The following PVT1 variants were observed in gnomAD, a reference collection of about 807,000 sequenced individuals.
The protein encoded by PVT1 is CXCR4/PVT1 fusion.
At chr8:127,988,049 C>T (rs1406510389) in intron 3 of PVT1, among the ~76,000 whole-genome samples, 3 of 152,164 alleles carry the variant, frequency 2.0e-5, no homozygotes, top group African/African-American at 4.8e-5. Context: ...CAGATCTGTC[C>T]GTGATACCAA....
intron 4 of PVT1, among the ~76,000 whole-genome samples, chr8:128,053,004 C>T (rs1228205773): frequency 6.6e-6 from 1 of 152,206 alleles, no homozygotes; most frequent in Non-Finnish European, 1.5e-5. Context: ...CTTCTAGTAA[C>T]CACCCCAGCA....
chr8:128,081,927 T>C (rs1311761239), intron 5 of PVT1, among the ~76,000 whole-genome samples: 2 of 152,176 alleles, frequency 1.3e-5, no homozygotes, highest in African/African-American at 4.8e-5. Context: ...CAAGACAAGC[T>C]GGAAGATTCT....
At chr8:127,975,639 T>C (rs937635096) in intron 3 of PVT1, among the ~76,000 whole-genome samples, 2 of 152,240 alleles carry the variant, frequency 1.3e-5, no homozygotes, top group African/African-American at 4.8e-5. Flanking sequence ...CTTCACGTCG[T>C]GGGGTTCTGC....
chr8:127,846,234 A>G (rs534510613), intron 2 of PVT1, among the ~76,000 whole-genome samples: 4 of 150,480 alleles, frequency 2.7e-5, no homozygotes, highest in African/African-American at 1.0e-4. Flanking sequence ...CAGGTGGGAG[A>G]GTTCTCCATT....
At chr8:127,887,927 T>C (rs1270383902) in intron 2 of PVT1, among the ~76,000 whole-genome samples, 1 of 127,368 alleles carries the variant, frequency 7.9e-6, no homozygotes, top group East Asian at 2.3e-4. Flanking sequence ...TCTCACTCTA[T>C]CTTGTTTTTT....
chr8:128,093,175 G>A lies in PVT1; in HGVS notation n.1115-3343G>A, dbSNP rs539853548. 1.6e-4 allele frequency among the ~76,000 whole-genome samples: 24 copies of A among 152,276 alleles called. No individual in the cohort carries two copies. The South Asian group carries it at 2.7e-3, about 17-fold the overall frequency. Reference sequence around the variant, plus strand: ...ACAATGCCTAAGCAGCTTGGATCACGGAAAGAGCTTGGGCTTCTCTCCCCA... The same window carrying A: ...ACAATGCCTAAGCAGCTTGGATCACAGAAAGAGCTTGGGCTTCTCTCCCCA... On this transcript the variant is annotated intron_variant and non_coding_transcript_variant, in intron 5 of 10. Transcript: ENST00000651587.
intron 2 of PVT1, among the ~76,000 whole-genome samples, chr8:127,823,890 G>A (rs533682295): frequency 2.0e-4 from 31 of 152,248 alleles, no homozygotes; most frequent in African/African-American, 5.1e-4. Flanking sequence ...CTTTCTAATC[G>A]CCCTTTAAGG....
chr8:128,023,378 A>G (rs1421020189), intron 4 of PVT1, among the ~76,000 whole-genome samples: 5 of 152,176 alleles, frequency 3.3e-5, no homozygotes, highest in Non-Finnish European at 5.9e-5. Flanking sequence ...CCCAGCCAAG[A>G]TCACCAAAGC....
intron 2 of PVT1, among the ~76,000 whole-genome samples, chr8:127,796,973 G>A (rs572740541): frequency 6.7e-6 from 1 of 149,610 alleles, no homozygotes; most frequent in East Asian, 2.0e-4. Flanking sequence ...CCGCCTCCCA[G>A]GTTCAAGCGA....
intron 4 of PVT1, among the ~76,000 whole-genome samples, chr8:128,007,146 A>G (rs1374741701): frequency 6.6e-6 from 1 of 152,256 alleles, no homozygotes; most frequent in African/African-American, 2.4e-5. Flanking sequence ...ACACGCTCCA[A>G]CTGTAACTGC....
intron 2 of PVT1, among the ~76,000 whole-genome samples, chr8:127,865,107 C>A (rs1284121852): frequency 6.6e-6 from 1 of 152,168 alleles, no homozygotes; most frequent in African/African-American, 2.4e-5. Flanking sequence ...GAGTCTCTTG[C>A]CACTATTTCT....
At chr8:127,988,395 G>A (rs1371950915) in intron 3 of PVT1, among the ~76,000 whole-genome samples, 2 of 152,168 alleles carry the variant, frequency 1.3e-5, no homozygotes, top group Non-Finnish European at 2.9e-5. Flanking sequence ...GGGCCACACC[G>A]GAGCATCACA....
intron 2 of PVT1, among the ~76,000 whole-genome samples, chr8:127,841,734 T>C (rs74537278): frequency 0.1 from 15,359 of 151,690 alleles, 869 homozygotes; most frequent in Middle Eastern, 0.17. Context: ...TGCTTTTTTT[T>C]TTCTTCTTTC....
intron 4 of PVT1, among the ~76,000 whole-genome samples, chr8:128,044,076 C>T (rs1349973027): frequency 6.7e-6 from 1 of 149,350 alleles, no homozygotes; most frequent in African/African-American, 2.5e-5. Flanking sequence ...TGTCAACCTC[C>T]TGGTCTCAAG....
At chr8:128,072,828 T>A (rs1411033081) in intron 5 of PVT1, among the ~76,000 whole-genome samples, 1 of 151,850 alleles carries the variant, frequency 6.6e-6, no homozygotes, top group Non-Finnish European at 1.5e-5. Context: ...TTTTATTTTA[T>A]TTTTATTTTT....
intron 3 of PVT1, among the ~76,000 whole-genome samples, chr8:127,949,379 C>CTG (rs61425056): frequency 0.068 from 7,619 of 111,250 alleles, 397 homozygotes; most frequent in Non-Finnish European, 0.078. Flanking sequence ...ACTCCAGGAG[C>CTG]TGTGTGTGTG....
At chr8:128,081,231 G>C (rs139165462) in intron 5 of PVT1, among the ~76,000 whole-genome samples, 1 of 152,314 alleles carries the variant, frequency 6.6e-6, no homozygotes, top group East Asian at 1.9e-4. Context: ...TCAGCTTGTA[G>C]ATATCCACAA....
chr8:128,004,958 T>C (rs1292996306), intron 4 of PVT1, among the ~76,000 whole-genome samples: 1 of 152,034 alleles, frequency 6.6e-6, no homozygotes, highest in Non-Finnish European at 1.5e-5. Context: ...CTGACTAACA[T>C]GGAGAAACCC....
chr8:127,893,724 C>A (rs1389756647), intron 3 of PVT1, among the ~76,000 whole-genome samples: 1 of 152,178 alleles, frequency 6.6e-6, no homozygotes, highest in African/African-American at 2.4e-5. Context: ...GGCAAACTAC[C>A]TCTGCTTTTT....
Sources: allele counts gnomAD v4.1 joint callset (sites outside exome capture counted in the v4.1 genomes callset), GRCh38; gene constraint gnomAD v4.1.1; transcripts MANE v1.5; gene names NCBI Gene and HGNC (gene_info 2026-07-23, HGNC 2026-07-21).